The following GK5 variants were observed in gnomAD, a reference collection of about 807,000 sequenced individuals.
GK5 encodes glycerol kinase 5.
GK5 carries 39 observed loss-of-function variants against 77.3 expected under a neutral mutation model. The ratio of observed to expected loss-of-function variants is 0.50; its 90% confidence interval spans 0.39 to 0.66. GK5 has a LOEUF of 0.66. GK5 is among the 30% of genes least tolerant of loss of function. GK5 has a pLI of 0.00. For synonymous variants in GK5, 211 were observed against 208.0 expected (o/e 1.01, Z -0.13); for missense variants, 487 against 633.8 (o/e 0.77, Z 2.49).
chr3:142,171,382 T>C, intron 14 of GK5, 37 bp downstream of exon 14: 1 of 1,433,554 alleles, frequency 7.0e-7, no homozygotes, highest in Non-Finnish European at 9.3e-7. Context: ...TTACTTCTAA[T>C]TTCTAATTAA....
intron 15 of GK5, among the ~76,000 whole-genome samples, chr3:142,167,067 A>G (rs1350238923): frequency 5.9e-5 from 9 of 152,274 alleles, no homozygotes; most frequent in African/African-American, 2.2e-4. Context: ...ATTTTAGACC[A>G]TCTATGTTTA....
chr3:142,186,916 C>T (rs2063781318), intron 6 of GK5, among the ~76,000 whole-genome samples: 1 of 152,160 alleles, frequency 6.6e-6, no homozygotes, highest in Non-Finnish European at 1.5e-5. Flanking sequence ...CAGACGTAAA[C>T]CACCGCACCT....
chr3:142,222,513 C>A (rs1041954877), intron 1 of GK5, among the ~76,000 whole-genome samples: 10 of 151,608 alleles, frequency 6.6e-5, no homozygotes, highest in Non-Finnish European at 1.3e-4. Context: ...TGCAGTGAAT[C>A]GAGATCAGTC....
chr3:142,222,469 G>A (rs1030237205), intron 1 of GK5, among the ~76,000 whole-genome samples: 2 of 152,102 alleles, frequency 1.3e-5, no homozygotes, highest in African/African-American at 2.4e-5. Flanking sequence ...GGAGGCTGAG[G>A]CAGGAGAATA....
chr3:142,180,848 T>A (rs915230296), intron 11 of GK5, among the ~76,000 whole-genome samples: 1 of 152,112 alleles, frequency 6.6e-6, no homozygotes, highest in Non-Finnish European at 1.5e-5. Flanking sequence ...TTATAAAGGT[T>A]TTTATGAACT....
At position 142,168,128 on chromosome 3, in the gene GK5, A is replaced by T. The variant is rs1212597236; in HGVS notation, c.1441+2197T>A. Among the ~76,000 whole-genome samples, 4 of 152,320 alleles carry T rather than the reference A, an allele frequency of 2.6e-5. No individual in the cohort carries two copies. The East Asian group carries it at 7.7e-4, about 29-fold the overall frequency. On this transcript the variant is annotated intron_variant, in intron 15 of 15. Coordinates refer to ENST00000392993, the MANE Select transcript of GK5 (RefSeq NM_001039547.3). ...TAGTCTTATAAGGTGAAAAGTGTAG[A>T]AGAATTTGATTAACATAAGTATAAA...
chr3:142,190,642 A>T (rs2063835443), intron 5 of GK5, among the ~76,000 whole-genome samples: 1 of 152,208 alleles, frequency 6.6e-6, no homozygotes, highest in African/African-American at 2.4e-5. Flanking sequence ...TTCAATAACC[A>T]TTCATAATAA....
At chr3:142,210,910 T>C (rs1307222650) in intron 3 of GK5, among the ~76,000 whole-genome samples, 1 of 152,264 alleles carries the variant, frequency 6.6e-6, no homozygotes, top group Non-Finnish European at 1.5e-5. Context: ...AATCAGTTCT[T>C]TCCCTGAGAA....
intron 2 of GK5, among the ~76,000 whole-genome samples, chr3:142,214,337 A>G (rs964470262): frequency 3.3e-5 from 5 of 152,224 alleles, no homozygotes; most frequent in Non-Finnish European, 5.9e-5. Flanking sequence ...CTGAGACCTT[A>G]TTTTCAACAC....
intron 4 of GK5, among the ~76,000 whole-genome samples, chr3:142,203,873 T>C (rs1026740510): frequency 2.1e-4 from 32 of 152,186 alleles, no homozygotes; most frequent in African/African-American, 7.7e-4. Context: ...GAAAACTGTT[T>C]TACCCTTTGA....
At chr3:142,166,186 G>A (rs977210041) in intron 15 of GK5, among the ~76,000 whole-genome samples, 3 of 152,050 alleles carry the variant, frequency 2.0e-5, no homozygotes, top group African/African-American at 7.2e-5. Context: ...ATTCAAGGCT[G>A]CAGTGAGCTA....
At chr3:142,221,927 T>C (rs2064353783) in intron 1 of GK5, among the ~76,000 whole-genome samples, 1 of 152,230 alleles carries the variant, frequency 6.6e-6, no homozygotes, top group African/African-American at 2.4e-5. Context: ...TTTGTTCTTG[T>C]CTACAAAGGG....
At chr3:142,207,892 G>A (rs1007237564) in intron 3 of GK5, among the ~76,000 whole-genome samples, 72 of 152,136 alleles carry the variant, frequency 4.7e-4, no homozygotes, top group Non-Finnish European at 5.3e-4. Flanking sequence ...AATGGAAATC[G>A]CAACATTTAC....
At chr3:142,176,908 G>A (rs1053703046) in intron 12 of GK5, among the ~76,000 whole-genome samples, 2 of 151,886 alleles carry the variant, frequency 1.3e-5, no homozygotes, top group Non-Finnish European at 2.9e-5. Flanking sequence ...TGATCCACCC[G>A]CCTCGGCCTC....
intron 1 of GK5, among the ~76,000 whole-genome samples, chr3:142,216,258 C>T (rs2064275639): frequency 6.6e-6 from 1 of 152,114 alleles, no homozygotes; most frequent in African/African-American, 2.4e-5. Flanking sequence ...GAACTGGGAG[C>T]TAGGGCACAG....
chr3:142,211,554 C>T (rs548950098), intron 3 of GK5, among the ~76,000 whole-genome samples: 3 of 152,080 alleles, frequency 2.0e-5, no homozygotes, highest in Non-Finnish European at 4.4e-5. Flanking sequence ...CGCTTTGGGA[C>T]GCCAAGGCAG....
At chr3:142,174,726 C>A (rs962148294) in intron 12 of GK5, among the ~76,000 whole-genome samples, 1 of 147,494 alleles carries the variant, frequency 6.8e-6, no homozygotes, top group Admixed American at 6.6e-5. Flanking sequence ...ATGCTCTAGT[C>A]CTAATGCCAT....
chr3:142,224,161 T>C (rs1458483581), intron 1 of GK5, among the ~76,000 whole-genome samples: 1 of 151,992 alleles, frequency 6.6e-6, no homozygotes, highest in Non-Finnish European at 1.5e-5. Context: ...TCTTGGCACT[T>C]AGGGAGGCCG....
At chr3:142,182,009 C>G (rs1328325899) in intron 10 of GK5, among the ~76,000 whole-genome samples, 2 of 152,092 alleles carry the variant, frequency 1.3e-5, no homozygotes, top group Non-Finnish European at 1.5e-5. Context: ...AAACAAGGCT[C>G]CTAAATAGAA....
Sources: allele counts gnomAD v4.1 joint callset (sites outside exome capture counted in the v4.1 genomes callset), GRCh38; gene constraint gnomAD v4.1.1; transcripts MANE v1.5; gene names NCBI Gene and HGNC (gene_info 2026-07-23, HGNC 2026-07-21).